MTMR9: variants seen among roughly 807,000 people sequenced by gnomAD.
MTMR9 encodes myotubularin related protein 9.
MTMR9 carries 39 observed loss-of-function variants against 69.5 expected under a neutral mutation model. The ratio of observed to expected loss-of-function variants is 0.56; its 90% CI spans 0.43 to 0.73. The LOEUF (loss-of-function observed/expected upper bound fraction) is 0.73, where lower values mean the gene tolerates loss of function less well. Ranked by LOEUF, MTMR9 falls within the 30% of genes least tolerant of loss-of-function variation. The probability of loss-of-function intolerance (pLI) is 0.00; values close to 1 mark genes in which losing one functional copy is unlikely to be tolerated. For synonymous variants in MTMR9, 354 were observed against 240.8 expected (o/e 1.47, Z -4.35); for missense variants, 900 against 671.2 (o/e 1.34, Z -3.77).
At chr8:11,330,271 C>G (rs910407404), downstream of MTMR9, among the ~76,000 whole-genome samples, 1 of 151,564 alleles carries the variant, frequency 6.6e-6, no homozygotes, top group African/African-American at 2.4e-5. Context: ...CACCGGCCAG[C>G]CGCCCTGTCC....
At chr8:11,310,173 T>G (rs566767274) in intron 6 of MTMR9, among the ~76,000 whole-genome samples, 20 of 152,230 alleles carry the variant, frequency 1.3e-4, no homozygotes, top group Non-Finnish European at 2.8e-4. Context: ...CATCTGGATC[T>G]CAAGTTGAGA....
chr8:11,291,449 A>T (rs1450757724), intron 1 of MTMR9, among the ~76,000 whole-genome samples: 2 of 152,142 alleles, frequency 1.3e-5, no homozygotes, highest in Non-Finnish European at 2.9e-5. Context: ...CATGGATGGG[A>T]CAATAAGGAC....
In MTMR9 at chr8:11,284,850, C is replaced by G; in HGVS notation, c.-39C>G. 1.3e-6 allele frequency: 2 copies of G among 1,556,104 alleles called. No individual in the cohort carries two copies. Among genetic ancestry groups the G allele is most frequent in the Admixed American group, 1.8e-5 (1 of 54,986 alleles). On this transcript the variant is annotated 5_prime_UTR_variant, in exon 1 of 10. Coordinates refer to ENST00000221086, the MANE Select transcript of MTMR9 (RefSeq NM_015458.4). Reference sequence around the variant, plus strand: ...CTGCGGCGGGGTAACCGCCTCGCACCTACCGGGCTCGGTTCCCTGGCTCCG... The same window carrying G: ...CTGCGGCGGGGTAACCGCCTCGCACGTACCGGGCTCGGTTCCCTGGCTCCG...
chr8:11,303,666 T>C (rs1322315137), intron 3 of MTMR9, among the ~76,000 whole-genome samples: 2 of 152,106 alleles, frequency 1.3e-5, no homozygotes, highest in Non-Finnish European at 2.9e-5. Flanking sequence ...CCTAAGTAGC[T>C]GGAAATACAA....
intron 1 of MTMR9, among the ~76,000 whole-genome samples, chr8:11,293,537 G>C (rs1799439851): frequency 6.6e-6 from 1 of 152,130 alleles, no homozygotes; most frequent in Non-Finnish European, 1.5e-5. Flanking sequence ...GTGTTTCAAA[G>C]AGCAGACGTT....
At chr8:11,329,131 T>A (rs1236935784), downstream of MTMR9, among the ~76,000 whole-genome samples, 1 of 152,182 alleles carries the variant, frequency 6.6e-6, no homozygotes, top group Non-Finnish European at 1.5e-5. Flanking sequence ...TCCATTGGTG[T>A]ATATGTCTGT....
chr8:11,292,531 A>G (rs550870704), intron 1 of MTMR9, among the ~76,000 whole-genome samples: 1 of 152,292 alleles, frequency 6.6e-6, no homozygotes, highest in Admixed American at 6.5e-5. Flanking sequence ...AATTTTGGCA[A>G]TTCCAATAGA....
chr8:11,285,043 A>T lies in MTMR9; in HGVS notation c.155A>T (p.His52Leu). The T allele has an allele frequency of 6.2e-7, 1 of 1,609,316 alleles. No individual in the cohort carries two copies. Among genetic ancestry groups the T allele is most frequent in the South Asian group, 1.1e-5 (1 of 90,550 alleles). Residue 52 changes from histidine (H) to leucine (L), a missense_variant, in exon 1 of 10, where the codon CAT (histidine) becomes CTT (leucine). Coordinates refer to ENST00000221086, the MANE Select transcript of MTMR9 (RefSeq NM_015458.4). Reference sequence around the variant, plus strand: ...AATACGGAGGAGCTGTGGCTCCTCCATTCAAACATCGACGCCATCGACAAG... The same window carrying T: ...AATACGGAGGAGCTGTGGCTCCTCCTTTCAAACATCGACGCCATCGACAAG... Reference protein sequence around the residue: ...QDNTEELWLLHSNIDAIDKRF... With the variant: ...QDNTEELWLLLSNIDAIDKRF...
At chr8:11,289,251 G>T (rs147452186) in intron 1 of MTMR9, among the ~76,000 whole-genome samples, 2 of 152,322 alleles carry the variant, frequency 1.3e-5, no homozygotes, top group African/African-American at 4.8e-5. Context: ...TGAAAGTGGA[G>T]CTGCCTTGCC....
downstream of MTMR9, among the ~76,000 whole-genome samples, chr8:11,329,623 T>G (rs1003351349): frequency 2.6e-5 from 4 of 152,364 alleles, no homozygotes; most frequent in East Asian, 1.9e-4. Flanking sequence ...GTGCTCAATG[T>G]TGCCCAGGCT....
Position 11,316,742 on chromosome 8 carries a change from C to T in MTMR9, c.1183C>T (p.Pro395Ser), listed in dbSNP as rs755223178. The change falls in exon 8 of 10, where the codon CCT becomes TCT. Residue 395 changes from proline to serine, a missense_variant. Transcript: ENST00000221086. ...TAACACCAAGCAGAAGTGGGAGGCT[C>T]CTGTATTTCTTCTCTTCTTGGACTG... ...YCNTKQKWEA[P>S]VFLLFLDCVW... The T allele has an allele frequency of 9.3e-6, 15 of 1,613,734 alleles. No homozygotes were observed. The highest frequency in any genetic ancestry group is 1.2e-5 in the Non-Finnish European group (14 of 1,179,890).
chr8:11,330,883 C>T (rs1001286940), downstream of MTMR9: 53 of 947,136 alleles, frequency 5.6e-5, no homozygotes, highest in Admixed American at 3.2e-4. Flanking sequence ...GCCAAATCCC[C>T]CTCTGCGAGA....
intron 3 of MTMR9, among the ~76,000 whole-genome samples, chr8:11,303,026 T>C (rs572833489): frequency 6.6e-6 from 1 of 151,710 alleles, no homozygotes; most frequent in Admixed American, 6.6e-5. Flanking sequence ...ATTCTAAAGA[T>C]GTAAGTCATT....
chr8:11,308,322 C>A (rs1005017535), intron 5 of MTMR9, among the ~76,000 whole-genome samples: 1 of 152,160 alleles, frequency 6.6e-6, no homozygotes, highest in Non-Finnish European at 1.5e-5. Flanking sequence ...TTCTCGGCAA[C>A]TTTTTCAAAC....
chr8:11,338,470 T>C, the MTMR9 span, among the ~76,000 whole-genome samples: 2 of 152,142 alleles, frequency 1.3e-5, no homozygotes, highest in African/African-American at 4.8e-5. Flanking sequence ...GAGGATAGAA[T>C]TTCAGAATAG....
At chr8:11,305,071 C>T (rs1481332487) in intron 4 of MTMR9, 57 bp downstream of exon 4, 14 of 1,527,218 alleles carry the variant, frequency 9.2e-6, no homozygotes, top group South Asian at 8.2e-5. Flanking sequence ...GGGATCTTTT[C>T]GTAGAAATGT....
At chr8:11,332,462 T>G (rs1801274127), downstream of MTMR9, among the ~76,000 whole-genome samples, 1 of 152,066 alleles carries the variant, frequency 6.6e-6, no homozygotes, top group Admixed American at 6.6e-5. Context: ...AGAGAAATGA[T>G]GTTTGAACAA....
rs1799086677 is a variant in MTMR9, at chr8:11,284,914, C to T, written c.26C>T (p.Thr9Ile). 3 of 1,611,234 alleles carry T rather than the reference C, an allele frequency of 1.9e-6. No homozygotes were observed. The highest frequency in any genetic ancestry group is 1.6e-4 in the Middle Eastern group (1 of 6,070). Reference protein sequence around the residue: MEFAELIKTPRVDNVVLHR... With the variant: MEFAELIKIPRVDNVVLHR... ...ATGGAGTTTGCGGAGCTGATTAAGA[C>T]CCCGCGGGTGGACAATGTGGTGCTG... The change falls in exon 1 of 10, where the codon ACC becomes ATC. Residue 9 changes from threonine to isoleucine, a missense_variant. Physicochemically the swap from Thr to Ile is moderately conservative, Grantham distance 89. Transcript: ENST00000221086.
downstream of MTMR9, among the ~76,000 whole-genome samples, chr8:11,329,350 C>G (rs1255047279): frequency 6.6e-6 from 1 of 152,240 alleles, no homozygotes; most frequent in African/African-American, 2.4e-5. Context: ...TCCATGGTCT[C>G]CCTCTGATGC....
Sources: allele counts gnomAD v4.1 joint callset (sites outside exome capture counted in the v4.1 genomes callset), GRCh38; gene constraint gnomAD v4.1.1; transcripts MANE v1.5; gene names NCBI Gene and HGNC (gene_info 2026-07-23, HGNC 2026-07-21).